Variants in KHDRBS3 observed in about 807,000 individuals in gnomAD.
The protein encoded by KHDRBS3 is KH RNA binding domain containing, signal transduction associated 3.
KHDRBS3 carries 23 observed loss-of-function variants against 45.6 expected under a neutral mutation model. The observed-to-expected ratio is 0.50, with a 90% CI of 0.36 to 0.72. KHDRBS3 has a LOEUF of 0.72. KHDRBS3 is among the 30% of genes least tolerant of loss of function. The pLI, the probability that KHDRBS3 is intolerant of heterozygous loss-of-function variation, is 0.00. For synonymous variants in KHDRBS3, 162 were observed against 156.5 expected (o/e 1.04, Z -0.26); for missense variants, 352 against 424.8 (o/e 0.83, Z 1.51).
At chr8:135,598,037 A>AT in intron 6 of KHDRBS3, among the ~76,000 whole-genome samples, 1 of 152,330 alleles carries the variant, frequency 6.6e-6, no homozygotes, top group Non-Finnish European at 1.5e-5. Flanking sequence ...ACACAGACAT[A>AT]TTTTAAAAGG....
intron 1 of KHDRBS3, chr8:135,458,259 G>A: frequency 9.4e-7 from 1 of 1,062,140 alleles, no homozygotes. Flanking sequence ...GCGACCATCT[G>A]GGGGCTTCGT....
intron 6 of KHDRBS3, among the ~76,000 whole-genome samples, chr8:135,598,264 C>T (rs1196828620): frequency 2.6e-5 from 4 of 152,196 alleles, no homozygotes; most frequent in Non-Finnish European, 5.9e-5. Flanking sequence ...AATAGGTCTT[C>T]AGCTAAAACA....
At chr8:135,653,278 C>T (rs1296098486) in intron 4 of KHDRBS3, among the ~76,000 whole-genome samples, 1 of 152,126 alleles carries the variant, frequency 6.6e-6, no homozygotes, top group Non-Finnish European at 1.5e-5. Context: ...TGGACTTGTA[C>T]TTCCAAATCC....
intron 5 of KHDRBS3, among the ~76,000 whole-genome samples, chr8:135,574,762 A>G (rs1433967515): frequency 6.6e-6 from 1 of 152,226 alleles, no homozygotes; most frequent in Non-Finnish European, 1.5e-5. Flanking sequence ...TACTGGAGAT[A>G]TACAAAGATG....
intron 1 of KHDRBS3, among the ~76,000 whole-genome samples, chr8:135,482,908 T>C (rs1244065938): frequency 6.6e-6 from 1 of 152,198 alleles, no homozygotes; most frequent in Non-Finnish European, 1.5e-5. Flanking sequence ...TGGCCAGTAG[T>C]AGGTGCCCAA....
At chr8:135,562,558 G>A (rs139752526) in intron 5 of KHDRBS3, among the ~76,000 whole-genome samples, 15 of 152,120 alleles carry the variant, frequency 9.9e-5, no homozygotes, top group Middle Eastern at 3.4e-3. Context: ...AATCACATGC[G>A]GTAACTAATG....
chr8:135,655,947 A>AC (rs1831523192), intron 4 of KHDRBS3, among the ~76,000 whole-genome samples: 1 of 152,198 alleles, frequency 6.6e-6, no homozygotes, highest in African/African-American at 2.4e-5. Context: ...TTTATGTAAA[A>AC]CAAGGCATTG....
intron 1 of KHDRBS3, among the ~76,000 whole-genome samples, chr8:135,515,889 A>G (rs1269485852): frequency 6.6e-6 from 1 of 152,222 alleles, no homozygotes; most frequent in Non-Finnish European, 1.5e-5. Flanking sequence ...TGCCAAATAG[A>G]TAACTAGTTT....
chr8:135,554,444 T>G (rs1419364899), intron 4 of KHDRBS3, among the ~76,000 whole-genome samples: 1 of 152,186 alleles, frequency 6.6e-6, no homozygotes, highest in East Asian at 1.9e-4. Context: ...GTTTTACAAA[T>G]TATGTATTAA....
At chr8:135,544,288 G>A (rs79895959) in intron 3 of KHDRBS3, among the ~76,000 whole-genome samples, 1,623 of 152,232 alleles carry the variant, frequency 0.011, 26 homozygotes, top group African/African-American at 0.035. Context: ...TACAGTGGTA[G>A]TTATCAGGGC....
intron 4 of KHDRBS3, among the ~76,000 whole-genome samples, chr8:135,553,432 C>T (rs1377721151): frequency 1.3e-5 from 2 of 151,988 alleles, no homozygotes; most frequent in Non-Finnish European, 2.9e-5. Flanking sequence ...TTTTAACTTA[C>T]GTGATTTTGG....
intron 1 of KHDRBS3, among the ~76,000 whole-genome samples, chr8:135,469,530 T>TTTG (rs1563699776): frequency 7.6e-4 from 29 of 37,962 alleles, no homozygotes; most frequent in African/African-American, 1.9e-3. Flanking sequence ...TTGGTTTTTT[T>TTTG]TTTTTTTTTT....
At chr8:135,562,344 G>A (rs1388071790) in intron 5 of KHDRBS3, among the ~76,000 whole-genome samples, 1 of 152,168 alleles carries the variant, frequency 6.6e-6, no homozygotes, top group Non-Finnish European at 1.5e-5. Context: ...ACGGTATTCA[G>A]TACAATAACA....
chr8:135,592,923 C>T (rs982899705), intron 6 of KHDRBS3, among the ~76,000 whole-genome samples: 2 of 151,942 alleles, frequency 1.3e-5, no homozygotes, highest in South Asian at 4.2e-4. Flanking sequence ...TCTTGGTGGG[C>T]CTCGGTGTCT....
chr8:135,649,089 A>G (rs1207765365), downstream of KHDRBS3, among the ~76,000 whole-genome samples: 1 of 152,226 alleles, frequency 6.6e-6, no homozygotes, highest in East Asian at 1.9e-4. Flanking sequence ...GATAAGTATT[A>G]TAAAATGTAT....
intron 1 of KHDRBS3, among the ~76,000 whole-genome samples, chr8:135,466,009 A>C (rs182431416): frequency 7.7e-4 from 117 of 152,186 alleles, no homozygotes; most frequent in African/African-American, 2.7e-3. Context: ...TCTCTGCTTC[A>C]ATGTTTGTGC....
intron 6 of KHDRBS3, among the ~76,000 whole-genome samples, chr8:135,589,098 A>G (rs1828621552): frequency 2.0e-5 from 3 of 152,082 alleles, no homozygotes; most frequent in Non-Finnish European, 2.9e-5. Context: ...TTTGTGCACT[A>G]TTTTATTCCC....
intron 7 of KHDRBS3, among the ~76,000 whole-genome samples, chr8:135,640,881 G>T (rs748667728): frequency 1.3e-5 from 2 of 152,032 alleles, no homozygotes; most frequent in African/African-American, 2.4e-5. Flanking sequence ...TTAGTTTATC[G>T]CTGGGAAATA....
chr8:135,548,943 CTT>C (rs1368480976), intron 4 of KHDRBS3, 43 bp downstream of exon 4: 1 of 1,409,898 alleles, frequency 7.1e-7, no homozygotes, highest in Admixed American at 2.3e-5. Context: ...ACTTTAAAGT[CTT>C]TGCTTTAATC....
Sources: gnomAD v4.1 joint callset for allele counts (sites outside exome capture counted in the v4.1 genomes callset) on GRCh38, gnomAD v4.1.1 for gene constraint, MANE v1.5 for transcripts, NCBI Gene and HGNC (gene_info 2026-07-23, HGNC 2026-07-21) for gene names.